Variants in MIS18BP1 observed in about 807,000 individuals in gnomAD.
The protein encoded by MIS18BP1 is MIS18 binding protein 1, also known as mis18-binding protein 1.
Under a neutral mutation model 116.1 loss-of-function variants are expected in MIS18BP1, and 72 were observed. That is an observed-to-expected ratio of 0.62 (90% CI 0.51 to 0.75). The LOEUF (loss-of-function observed/expected upper bound fraction) is 0.75, where lower values mean the gene tolerates loss of function less well. Among genes scored for constraint, MIS18BP1 ranks in the 30% least tolerant of loss-of-function variants. MIS18BP1 has a pLI of 0.00. For synonymous variants in MIS18BP1, 386 were observed against 427.0 expected, an observed-to-expected ratio of 0.90 and a Z score of 1.18; for missense variants, 1,363 against 1,303.2, an observed-to-expected ratio of 1.05 and a Z score of -0.71.
At chr14:45,237,965 A>T (rs1891473448) in intron 4 of MIS18BP1, among the ~76,000 whole-genome samples, 1 of 152,236 alleles carries the variant, frequency 6.6e-6, no homozygotes, top group African/African-American at 2.4e-5. Context: ...AAGCAATTAT[A>T]CTTCAAATAC....
Position 45,224,757 on chromosome 14 carries a change from A to T in MIS18BP1, c.1841-11T>A. 1.3e-6 allele frequency: 2 copies of T among 1,537,430 alleles called. No homozygotes were observed. Among genetic ancestry groups the T allele is most frequent in the Non-Finnish European group, 1.7e-6 (2 of 1,146,692 alleles). On this transcript the variant is annotated splice_polypyrimidine_tract_variant and intron_variant, in intron 10 of 16. Coordinates refer to ENST00000310806, the MANE Select transcript of MIS18BP1 (RefSeq NM_018353.5). ...ATTCTTCAGTTGTCTCTTTAATTTC[A>T]TAAGACAAAACCAAAGACCAAAATC... is the stretch of plus-strand genomic sequence containing the variant.
chr14:45,242,176 C>T lies in MIS18BP1; in HGVS notation c.1001G>A (p.Gly334Asp). 1 of 1,614,054 alleles carries T rather than the reference C, an allele frequency of 6.2e-7. No individual in the cohort carries two copies. The highest frequency in any genetic ancestry group is 8.5e-7 in the Non-Finnish European group (1 of 1,179,978). ...AATTTTACATGTATCTTTCATGGAA[C>T]CTGGAAGACCTGTCTCTCCAGGCAC... ...KTVPGETGLPGSMKDTCKIVL... is the reference protein window; with the variant it reads ...KTVPGETGLPDSMKDTCKIVL... The change falls in exon 4 of 17, where the codon GGT becomes GAT. Residue 334 changes from glycine to aspartate, a missense_variant. Gly to Asp is a moderately conservative substitution (Grantham distance 94). Transcript: ENST00000310806.
At chr14:45,243,966 A>C (rs1421692578) in intron 2 of MIS18BP1, among the ~76,000 whole-genome samples, 1 of 152,158 alleles carries the variant, frequency 6.6e-6, no homozygotes, top group African/African-American at 2.4e-5. Flanking sequence ...AAAAACTTTA[A>C]TATGTATTAT....
At chr14:45,228,320 A>C (rs1891181699) in intron 8 of MIS18BP1, among the ~76,000 whole-genome samples, 1 of 152,230 alleles carries the variant, frequency 6.6e-6, no homozygotes, top group African/African-American at 2.4e-5. Flanking sequence ...AAATTTAAAA[A>C]GCCTAGACAG....
intron 12 of MIS18BP1, among the ~76,000 whole-genome samples, chr14:45,217,494 G>A (rs943491874): frequency 1.3e-5 from 2 of 152,140 alleles, no homozygotes; most frequent in Non-Finnish European, 2.9e-5. Context: ...GTCTCCTATA[G>A]AACAAATGAT....
At chr14:45,249,161 G>A (rs1891802591) in intron 1 of MIS18BP1, among the ~76,000 whole-genome samples, 1 of 151,924 alleles carries the variant, frequency 6.6e-6, no homozygotes. Context: ...ATGCGATCTT[G>A]ACTCACTGCA....
At chr14:45,245,020 G>C (rs1275299510) in intron 2 of MIS18BP1, among the ~76,000 whole-genome samples, 1 of 152,122 alleles carries the variant, frequency 6.6e-6, no homozygotes, top group Non-Finnish European at 1.5e-5. Flanking sequence ...TATTAAAAAT[G>C]ATAAAACTTT....
intron 11 of MIS18BP1, among the ~76,000 whole-genome samples, chr14:45,219,987 C>T (rs1890929231): frequency 6.6e-6 from 1 of 152,138 alleles, no homozygotes; most frequent in African/African-American, 2.4e-5. Context: ...GCATAAAACC[C>T]CAAATCCTTA....
intron 3 of MIS18BP1, 56 bp downstream of exon 3, chr14:45,242,705 G>C (rs1423543780): frequency 2.0e-6 from 3 of 1,505,536 alleles, no homozygotes; most frequent in African/African-American, 1.4e-5. Flanking sequence ...TAATTACCTA[G>C]AACATTTAAC....
In MIS18BP1 at chr14:45,247,169, T is replaced by TA; in HGVS notation, c.117dup (p.Thr40TyrfsTer18). On this transcript the variant is annotated frameshift_variant, in exon 2 of 17. Coordinates refer to ENST00000310806, the MANE Select transcript of MIS18BP1 (RefSeq NM_018353.5). LOFTEE classifies it high-confidence loss of function. ...TATTTCACCAAATCTTTTACAGGAGTAAGTGTGCCTGAAGGAATGCTGTCA... is the reference window on the plus strand; with the variant it reads ...TATTTCACCAAATCTTTTACAGGAGTAAAGTGTGCCTGAAGGAATGCTGTCA... 3 of 1,612,920 alleles carry TA rather than the reference T, an allele frequency of 1.9e-6. No homozygotes were observed. The highest frequency in any genetic ancestry group is 2.5e-6 in the Non-Finnish European group (3 of 1,179,938).
At chr14:45,232,416 C>CAAAAAAAAAAAAAAA (rs532665472) in intron 7 of MIS18BP1, 23 of 95,980 alleles carry the variant, frequency 2.4e-4, no homozygotes, top group Non-Finnish European at 3.7e-4. Context: ...GATTCCATCT[C>CAAAAAAAAAAAAAAA]AAAAAAAAAA....
chr14:45,245,371 C>T lies in MIS18BP1; in HGVS notation c.544+1372G>A, dbSNP rs556047066. Among the ~76,000 whole-genome samples, 420 of 148,672 alleles carry T rather than the reference C, an allele frequency of 2.8e-3. 2 individuals are homozygous for T. The highest frequency in any genetic ancestry group is 4.9e-3 in the Admixed American group (72 of 14,830). On this transcript the variant is annotated intron_variant, in intron 2 of 16. Coordinates refer to ENST00000310806, the MANE Select transcript of MIS18BP1 (RefSeq NM_018353.5). The stretch of plus-strand genomic sequence containing the variant: ...CTTTCTACTCTTTTCTTTTTTATTT[C>T]TTTTTTTTTTGAGATGGAGTTTTGC...
intron 2 of MIS18BP1, among the ~76,000 whole-genome samples, 174 bp from the exon 3 acceptor site, chr14:45,243,048 T>A (rs942857889): frequency 1.3e-5 from 2 of 152,178 alleles, no homozygotes; most frequent in Non-Finnish European, 2.9e-5. Flanking sequence ...GGCTGTATTA[T>A]CTTCTCATAC....
chr14:45,217,100 C>T lies in MIS18BP1; in HGVS notation c.2922G>A (p.Met974Ile), dbSNP rs1178373354. ...KVGTLKRKQQMREFLEQLPKD... is the reference protein window; with the variant it reads ...KVGTLKRKQQIREFLEQLPKD... Reference sequence around the variant, plus strand: ...TTGGCAACTGTTCCAGAAATTCCCTCATCTGTTGCTTCCTTTTAAGAGTTC... The same window carrying T: ...TTGGCAACTGTTCCAGAAATTCCCTTATCTGTTGCTTCCTTTTAAGAGTTC... Residue 974 changes from methionine to isoleucine, a missense_variant, in exon 13 of 17, where the codon ATG (methionine) becomes ATA (isoleucine). Coordinates refer to ENST00000310806, the MANE Select transcript of MIS18BP1 (RefSeq NM_018353.5). 3 of 1,614,132 alleles carry T rather than the reference C, an allele frequency of 1.9e-6. No individual in the cohort carries two copies. Among genetic ancestry groups the T allele is most frequent in the Non-Finnish European group, 2.5e-6 (3 of 1,179,994 alleles).
intron 6 of MIS18BP1, 90 bp downstream of exon 6, chr14:45,235,724 T>C: frequency 3.6e-6 from 4 of 1,118,176 alleles, no homozygotes; most frequent in Non-Finnish European, 4.9e-6. Flanking sequence ...AAATACCTAA[T>C]TAAAAGTTAA....
At chr14:45,232,138 C>T (rs1255606229) in intron 7 of MIS18BP1, among the ~76,000 whole-genome samples, 2 of 152,078 alleles carry the variant, frequency 1.3e-5, no homozygotes, top group African/African-American at 2.4e-5. Context: ...GCATTTCAGG[C>T]GGGCGCGGTG....
Position 45,224,543 on chromosome 14 carries a change from CA to C in MIS18BP1, c.2043del (p.Phe681LeufsTer2). The C allele has an allele frequency of 6.2e-7, 1 of 1,612,468 alleles. No homozygotes were observed. The highest frequency in any genetic ancestry group is 8.5e-7 in the Non-Finnish European group (1 of 1,179,576). On this transcript the variant is annotated frameshift_variant, in exon 11 of 17. Coordinates refer to ENST00000310806, the MANE Select transcript of MIS18BP1 (RefSeq NM_018353.5). LOFTEE classifies it high-confidence loss of function. ...CTTTTTTTTTGACACTCTGGTATTA[CA>C]AAATCTGTTACTGCTTTGATGGTGC... ...SAGTIKAVTDFVIPECQKKSP... is the reference protein window; with the variant it reads ...SAGTIKAVTDXVIPECQKKSP...
chr14:45,238,831 T>G (rs1891496776), intron 4 of MIS18BP1, among the ~76,000 whole-genome samples: 1 of 151,938 alleles, frequency 6.6e-6, no homozygotes, highest in Non-Finnish European at 1.5e-5. Context: ...AAATAAAAAA[T>G]TATAAGTAGG....
intron 2 of MIS18BP1, among the ~76,000 whole-genome samples, chr14:45,243,693 A>G (rs1417781700): frequency 6.6e-6 from 1 of 152,140 alleles, no homozygotes; most frequent in Non-Finnish European, 1.5e-5. Context: ...ACGTGTCACA[A>G]AAAGAAACAA....
Sources: gnomAD v4.1 joint callset for allele counts (sites outside exome capture counted in the v4.1 genomes callset) on GRCh38, gnomAD v4.1.1 for gene constraint, MANE v1.5 for transcripts, NCBI Gene and HGNC (gene_info 2026-07-23, HGNC 2026-07-21) for gene names.